C6orf89: variants seen among roughly 807,000 people sequenced by gnomAD.
C6orf89 encodes the protein bombesin receptor-activated protein C6orf89.
A neutral mutation model predicts 40.7 loss-of-function variants in C6orf89; 29 were observed. The ratio of observed to expected loss-of-function variants is 0.71; its 90% confidence interval spans 0.53 to 0.97. The LOEUF (loss-of-function observed/expected upper bound fraction) is 0.97. Ranked by LOEUF, C6orf89 falls within the 50% of genes least tolerant of loss-of-function variation. C6orf89 has a pLI of 0.00. For synonymous variants in C6orf89, 165 were observed against 152.2 expected (o/e 1.08, Z -0.62); for missense variants, 392 against 429.1 (o/e 0.91, Z 0.76).
intron 1 of C6orf89, among the ~76,000 whole-genome samples, chr6:36,889,218 A>C (rs780020918): frequency 1.3e-5 from 2 of 152,200 alleles, no homozygotes; most frequent in African/African-American, 4.8e-5. Context: ...TGCTGCAGAG[A>C]GGTCAGATAA....
At position 36,914,306 on chromosome 6, in the gene C6orf89, C is replaced by G; in HGVS notation, c.426C>G (p.Asn142Lys). The stretch of plus-strand genomic sequence containing the variant: ...CAGACTTTGACCCCTGGTGGACAAA[C>G]GACTGTGAGCAGAATGAGTCAGAGC... ...PFPDFDPWWTNDCEQNESEPI... is the reference protein window; with the variant it reads ...PFPDFDPWWTKDCEQNESEPI... Residue 142 changes from asparagine (N) to lysine (K), a missense_variant, in exon 5 of 9, where the codon AAC becomes AAG. Physicochemically the swap from Asn to Lys is moderately conservative, Grantham distance 94. Transcript: ENST00000480824. 1 of 1,613,896 alleles carries G rather than the reference C, an allele frequency of 6.2e-7. No homozygotes were observed. The highest frequency in any genetic ancestry group is 8.5e-7 in the Non-Finnish European group (1 of 1,179,882).
In C6orf89 at chr6:36,928,584, GGCT is replaced by G. The variant is rs1444759273; in HGVS notation, c.*5146_*5148del. 2.0e-5 allele frequency: 3 copies of G among 152,220 alleles called. No individual in the cohort carries two copies. The highest frequency in any genetic ancestry group is 7.2e-5 in the African/African-American group (3 of 41,398). The allele number at this position is 152,220 out of a possible 1,614,324, so 9.4% of individuals were successfully genotyped here. On this transcript the variant is annotated 3_prime_UTR_variant, in exon 9 of 9. Coordinates refer to ENST00000480824, the MANE Select transcript of C6orf89 (RefSeq NM_001286635.2). Reference sequence around the variant, plus strand: ...ACAGTTTTACCCTCAGAAAAATGTTGGCTGCAGTCTTCCCTTCCTTCACCTCCA... The same window carrying G: ...ACAGTTTTACCCTCAGAAAAATGTTGGCAGTCTTCCCTTCCTTCACCTCCA...
chr6:36,894,023 CA>C (rs779616350), intron 1 of C6orf89, among the ~76,000 whole-genome samples: 3,598 of 60,498 alleles, frequency 0.059, 62 homozygotes, highest in African/African-American at 0.14. Context: ...GACTCTGTCT[CA>C]AAAAAAAAAA....
chr6:36,874,664 A>C, intron 1 of C6orf89: 1 of 1,596,518 alleles, frequency 6.3e-7, no homozygotes, highest in Non-Finnish European at 8.6e-7. Flanking sequence ...ACCCGTGGTG[A>C]GGCCCGGGCT....
intron 4 of C6orf89, among the ~76,000 whole-genome samples, chr6:36,911,935 C>CT (rs1263902427): frequency 6.8e-6 from 1 of 146,168 alleles, no homozygotes; most frequent in Non-Finnish European, 1.5e-5. Context: ...AGTGAACCCC[C>CT]CCCCCCCGAC....
intron 1 of C6orf89, among the ~76,000 whole-genome samples, chr6:36,873,769 C>T (rs1774571643): frequency 6.6e-6 from 1 of 152,060 alleles, no homozygotes. Flanking sequence ...CTGAAAGCAG[C>T]AATGGGCAAG....
chr6:36,893,297 C>A (rs1761294277), intron 1 of C6orf89, among the ~76,000 whole-genome samples: 1 of 151,890 alleles, frequency 6.6e-6, no homozygotes, highest in African/African-American at 2.4e-5. Flanking sequence ...CGTATCCAAC[C>A]AAATCCCAAT....
At chr6:36,884,702 T>G (rs1432075609), upstream of C6orf89, among the ~76,000 whole-genome samples, 3 of 151,738 alleles carry the variant, frequency 2.0e-5, no homozygotes, top group Admixed American at 2.0e-4. This position sits in a 1 kb window ranked among gnomAD's most constrained non-coding sequence, Gnocchi z 4.0. Context: ...AAGTGAGGAA[T>G]TTTTTTTTAA....
chr6:36,915,131 G>T (rs1762269688), intron 6 of C6orf89, among the ~76,000 whole-genome samples: 1 of 152,164 alleles, frequency 6.6e-6, no homozygotes, highest in Non-Finnish European at 1.5e-5. Context: ...GGATCCCACT[G>T]ATAAACCAGT....
chr6:36,897,495 G>A (rs1761481752), intron 2 of C6orf89, among the ~76,000 whole-genome samples: 1 of 152,206 alleles, frequency 6.6e-6, no homozygotes, highest in Admixed American at 6.5e-5. Flanking sequence ...ACTGTAGTTT[G>A]TACTGTCTTT....
intron 7 of C6orf89, among the ~76,000 whole-genome samples, chr6:36,917,560 C>T (rs1233841107): frequency 6.6e-6 from 1 of 152,212 alleles, no homozygotes; most frequent in Admixed American, 6.5e-5. Context: ...CCCCTGCCAC[C>T]TCTGGACCAT....
intron 3 of C6orf89, among the ~76,000 whole-genome samples, chr6:36,901,196 G>C (rs1231980450): frequency 6.6e-6 from 1 of 150,990 alleles, no homozygotes; most frequent in Non-Finnish European, 1.5e-5. Flanking sequence ...TGGCCAAGCT[G>C]GTCTCGAACT....
chr6:36,899,754 C>A, intron 3 of C6orf89, 121 bp downstream of exon 3: 1 of 974,868 alleles, frequency 1.0e-6, no homozygotes, highest in Non-Finnish European at 1.5e-6. Flanking sequence ...AATAAATTGG[C>A]CTTTGCTCTT....
At position 36,923,417 on chromosome 6, in the gene C6orf89, T is replaced by C. The variant is rs773285387; in HGVS notation, c.1020T>C (p.Asp340=). 1.2e-6 allele frequency: 2 copies of C among 1,613,960 alleles called. No individual in the cohort carries two copies. Among genetic ancestry groups the C allele is most frequent in the East Asian group, 2.2e-5 (1 of 44,888 alleles). ...ARGVQPLVIC[D]GTAFSEL is the part of the protein sequence containing the mutation. ...GGGTCCAGCCTTTGGTCATCTGCGA[T>C]GGAACCGCTTTCTCAGAACTGTAGG... is the stretch of plus-strand genomic sequence containing the variant. Residue 340 remains aspartate, a synonymous_variant, in exon 9 of 9, where the codon GAT becomes GAC. Coordinates refer to ENST00000480824, the MANE Select transcript of C6orf89 (RefSeq NM_001286635.2).
At chr6:36,903,970 A>T (rs77223972) in intron 4 of C6orf89, among the ~76,000 whole-genome samples, 1 of 152,042 alleles carries the variant, frequency 6.6e-6, no homozygotes, top group Non-Finnish European at 1.5e-5. Flanking sequence ...AAAAAAAAAA[A>T]TGCAGTCTCA....
At chr6:36,874,969 CA>C (rs1277391859) in intron 1 of C6orf89, 1 of 604,846 alleles carries the variant, frequency 1.7e-6, no homozygotes, top group Non-Finnish European at 2.9e-6. Context: ...AAGCTGGGCT[CA>C]AGAACAGAGG....
At chr6:36,909,935 A>G (rs1300943612) in intron 4 of C6orf89, among the ~76,000 whole-genome samples, 2 of 152,164 alleles carry the variant, frequency 1.3e-5, no homozygotes. Flanking sequence ...AAAGATTATA[A>G]AAATACTCAT....
rs1000084206 is a variant in C6orf89 at position 36,926,421 on chromosome 6, T to G, written c.*2980T>G. On this transcript the variant is annotated 3_prime_UTR_variant, in exon 9 of 9. Transcript: ENST00000480824. ...GATGGTGGGCGCCTGTAATCCCAGC[T>G]ACACAGGAAGCTGAGGCAGGAAAAT... The G allele has an allele frequency of 2.6e-5, 4 of 151,318 alleles. No homozygotes were observed. Among genetic ancestry groups the G allele is most frequent in the African/African-American group, 9.7e-5 (4 of 41,054 alleles). 9.4% of individuals were successfully genotyped at this position (151,318 alleles called of 1,614,324 possible).
At chr6:36,874,337 C>A (rs1308690334) in intron 1 of C6orf89, among the ~76,000 whole-genome samples, 1 of 152,200 alleles carries the variant, frequency 6.6e-6, no homozygotes, top group Non-Finnish European at 1.5e-5. Flanking sequence ...ACATGTCTGT[C>A]TCTTTCATTA....
Sources: gnomAD v4.1 joint callset for allele counts (sites outside exome capture counted in the v4.1 genomes callset) on GRCh38, gnomAD v4.1.1 for gene constraint, Gnocchi (gnomAD v3.1) non-coding constraint, MANE v1.5 for transcripts, NCBI Gene and HGNC (gene_info 2026-07-23, HGNC 2026-07-21) for gene names.